MTCL2: variants seen among roughly 807,000 people sequenced by gnomAD.
MTCL2 encodes the protein microtubule cross-linking factor 2.
At chr20:36,835,906 G>C in the MTCL2 span, among the ~76,000 whole-genome samples, 9 of 152,298 alleles carry the variant, frequency 5.9e-5, no homozygotes, top group South Asian at 8.3e-4. Flanking sequence ...GCAGCCGGCA[G>C]CTAGCTCCAG....
At chr20:36,837,671 G>A in the MTCL2 span, among the ~76,000 whole-genome samples, 2 of 151,418 alleles carry the variant, frequency 1.3e-5, no homozygotes, top group African/African-American at 2.4e-5. Context: ...TCCGCCTCCC[G>A]GGTTCAAGCG....
chr20:36,817,666 C>T, the MTCL2 span, among the ~76,000 whole-genome samples: 1 of 152,104 alleles, frequency 6.6e-6, no homozygotes. Flanking sequence ...GGGAGATAGG[C>T]CAGAAGCATT....
chr20:36,853,612 A>G, the MTCL2 span, among the ~76,000 whole-genome samples: 135,365 of 152,044 alleles, frequency 0.89, 60,751 homozygotes, highest in African/African-American at 0.98. Flanking sequence ...CCAGGAAGAT[A>G]AGGTCTACGC....
chr20:36,847,807 T>C, the MTCL2 span, among the ~76,000 whole-genome samples: 1 of 144,180 alleles, frequency 6.9e-6, no homozygotes, highest in Non-Finnish European at 1.5e-5. Flanking sequence ...TAAGCAAGGA[T>C]TGCACCACTA....
chr20:36,840,919 G>A, the MTCL2 span, among the ~76,000 whole-genome samples: 1 of 152,036 alleles, frequency 6.6e-6, no homozygotes, highest in Admixed American at 6.5e-5. Flanking sequence ...CAGGGGCAGG[G>A]AGGGACAATG....
chr20:36,847,894 C>T, the MTCL2 span, among the ~76,000 whole-genome samples: 2 of 151,732 alleles, frequency 1.3e-5, no homozygotes, highest in South Asian at 4.2e-4. Flanking sequence ...TCTGTCCTGC[C>T]CAGTCCACAA....
the MTCL2 span, among the ~76,000 whole-genome samples, chr20:36,814,760 G>A: frequency 6.6e-6 from 1 of 152,088 alleles, no homozygotes; most frequent in Non-Finnish European, 1.5e-5. Flanking sequence ...GATGGAGGGC[G>A]CCTGTAATCC....
the MTCL2 span, chr20:36,784,591 C>T: frequency 6.1e-6 from 6 of 985,540 alleles, no homozygotes; most frequent in Non-Finnish European, 7.2e-6. Context: ...AGGCTGATGT[C>T]TATGTGTGTG....
chr20:36,796,579 A>G, the MTCL2 span, among the ~76,000 whole-genome samples: 1 of 152,204 alleles, frequency 6.6e-6, no homozygotes, highest in South Asian at 2.1e-4. Flanking sequence ...AAAGAATCCC[A>G]AGAGGAGCAA....
the MTCL2 span, among the ~76,000 whole-genome samples, chr20:36,858,849 G>A: frequency 6.6e-6 from 1 of 152,054 alleles, no homozygotes; most frequent in Non-Finnish European, 1.5e-5. Context: ...AGAGTGCAGT[G>A]GCGCCATCTC....
chr20:36,815,424 T>A, the MTCL2 span: 3 of 1,612,822 alleles, frequency 1.9e-6, no homozygotes, highest in Non-Finnish European at 2.5e-6. This position sits in a 1 kb window ranked among gnomAD's most constrained non-coding sequence, Gnocchi z 5.3. Flanking sequence ...GCCATTGGCA[T>A]CAGCCACCAG....
chr20:36,816,069 T>C, the MTCL2 span: 1 of 1,613,490 alleles, frequency 6.2e-7, no homozygotes. Context: ...GCTCAGCAGG[T>C]TGGCTTCCTC....
chr20:36,813,752 C>CAAAAAAAAAAAAAAAAAAA, the MTCL2 span, among the ~76,000 whole-genome samples: 1 of 65,836 alleles, frequency 1.5e-5, no homozygotes, highest in Non-Finnish European at 2.5e-5. Flanking sequence ...GACTCTGTCT[C>CAAAAAAAAAAAAAAAAAAA]AAAAAAAAAA....
chr20:36,815,945 C>A, the MTCL2 span: 6 of 1,612,858 alleles, frequency 3.7e-6, no homozygotes, highest in Admixed American at 5.0e-5. This position sits in a 1 kb window ranked among gnomAD's most constrained non-coding sequence, Gnocchi z 5.3. Flanking sequence ...CGCCACCCAG[C>A]GCGGAGAAGG....
chr20:36,863,223 T>G, the MTCL2 span: 3 of 1,205,842 alleles, frequency 2.5e-6, no homozygotes, highest in East Asian at 1.0e-4. This position sits in a 1 kb window ranked among gnomAD's most constrained non-coding sequence, Gnocchi z 6.2. Flanking sequence ...GCCGGCCACG[T>G]CTTTGGGCCG....
chr20:36,793,513 G>C, the MTCL2 span: 3 of 1,551,594 alleles, frequency 1.9e-6, no homozygotes, highest in Admixed American at 3.9e-5. This position sits in a 1 kb window ranked among gnomAD's most constrained non-coding sequence, Gnocchi z 6.8. Context: ...TGCCGTACTT[G>C]GGAGGCTCGG....
At chr20:36,798,811 CTCAT>C in the MTCL2 span, among the ~76,000 whole-genome samples, 1 of 152,186 alleles carries the variant, frequency 6.6e-6, no homozygotes, top group Non-Finnish European at 1.5e-5. Context: ...GGGTAACCAA[CTCAT>C]CTTGGTTTGC....
the MTCL2 span, chr20:36,863,213 G>A: frequency 1.6e-6 from 2 of 1,218,644 alleles, no homozygotes; most frequent in Middle Eastern, 3.2e-4. The surrounding 1 kb of genome is among the most constrained non-coding windows in gnomAD (Gnocchi z 6.2). Context: ...CCAGCGACCA[G>A]CCGGCCACGT....
At chr20:36,860,590 G>A in the MTCL2 span, among the ~76,000 whole-genome samples, 2 of 152,182 alleles carry the variant, frequency 1.3e-5, no homozygotes, top group Non-Finnish European at 2.9e-5. Flanking sequence ...CAGGCTGGGT[G>A]CACATGGAAA....
Sources: allele counts gnomAD v4.1 joint callset (sites outside exome capture counted in the v4.1 genomes callset), GRCh38; gene constraint gnomAD v4.1.1; non-coding constraint Gnocchi (gnomAD v3.1); transcripts MANE v1.5; gene names NCBI Gene and HGNC (gene_info 2026-07-23, HGNC 2026-07-21).